Variants in FBN1 observed in about 807,000 individuals in gnomAD.
FBN1 encodes the protein fibrillin-1.
In FBN1, 29 loss-of-function variants were observed where a neutral mutation model predicts 365.1. The ratio of observed to expected loss-of-function variants is 0.08; its 90% CI spans 0.06 to 0.11. The LOEUF (loss-of-function observed/expected upper bound fraction) is 0.11. Ranked by LOEUF, FBN1 falls within the 10% of genes least tolerant of loss-of-function variation. The pLI is 1.00. For synonymous variants in FBN1, 1,210 were observed against 1,270.5 expected (o/e 0.95, Z 1.01); for missense variants, 2,476 against 3,703.2 (o/e 0.67, Z 8.60).
chr15:48,523,706 T>TTTTGG (rs1199156704), intron 9 of FBN1, among the ~76,000 whole-genome samples: 7 of 60,742 alleles, frequency 1.2e-4, no homozygotes, highest in African/African-American at 7.8e-4. Context: ...ACACCAAGGG[T>TTTTGG]GGCTGGGGGG....
intron 9 of FBN1, among the ~76,000 whole-genome samples, chr15:48,523,714 G>A (rs956541101): frequency 2.6e-5 from 3 of 116,578 alleles, no homozygotes; most frequent in Admixed American, 8.4e-5. Flanking sequence ...GGTGGCTGGG[G>A]GGGGGGGGGA....
intron 6 of FBN1, among the ~76,000 whole-genome samples, chr15:48,592,986 G>C (rs958035932): frequency 1.3e-5 from 2 of 152,192 alleles, no homozygotes; most frequent in African/African-American, 4.8e-5. Flanking sequence ...CCTGCCCACT[G>C]GGGATGAGGC....
intron 12 of FBN1, among the ~76,000 whole-genome samples, chr15:48,515,098 A>G (rs1450206767): frequency 2.0e-5 from 3 of 152,160 alleles, no homozygotes; most frequent in African/African-American, 7.2e-5. Context: ...AAATGGAGGA[A>G]GGGGTCATGA....
At chr15:48,491,978 T>C (rs937849557) in intron 24 of FBN1, among the ~76,000 whole-genome samples, 2 of 152,094 alleles carry the variant, frequency 1.3e-5, no homozygotes, top group African/African-American at 4.8e-5. Context: ...GCACAGAATA[T>C]CCCACTATGA....
At chr15:48,581,691 C>G (rs1479188421) in intron 6 of FBN1, among the ~76,000 whole-genome samples, 3 of 152,038 alleles carry the variant, frequency 2.0e-5, no homozygotes, top group African/African-American at 7.2e-5. Flanking sequence ...AAAGTGTCAG[C>G]AGTCTGACTG....
At chr15:48,603,384 A>C (rs2044581823) in intron 4 of FBN1, among the ~76,000 whole-genome samples, 1 of 152,096 alleles carries the variant, frequency 6.6e-6, no homozygotes, top group East Asian at 1.9e-4. Context: ...ATTCGTTGTG[A>C]GTCTTAGATC....
At chr15:48,609,289 G>A (rs1347660164) in intron 4 of FBN1, among the ~76,000 whole-genome samples, 2 of 152,236 alleles carry the variant, frequency 1.3e-5, no homozygotes, top group African/African-American at 4.8e-5. Flanking sequence ...AGTGCAATAA[G>A]CAAGAGTCCC....
At position 48,508,716 on chromosome 15, in the gene FBN1, A is replaced by G. The variant is rs1057521270; in HGVS notation, c.1715-12T>C. The G allele has an allele frequency of 1.2e-6, 2 of 1,613,230 alleles. No individual in the cohort carries two copies. The highest frequency in any genetic ancestry group is 1.7e-5 in the Admixed American group (1 of 59,968). On this transcript the variant is annotated splice_polypyrimidine_tract_variant and intron_variant, in intron 14 of 65. Transcript: ENST00000316623. ...GCATTCATCCATATCTGAAAATACA[A>G]AACATACATTTTCTTATGACCAGAA... is the stretch of plus-strand genomic sequence containing the variant.
At chr15:48,523,062 T>C (rs2043873787) in intron 9 of FBN1, among the ~76,000 whole-genome samples, 1 of 152,236 alleles carries the variant, frequency 6.6e-6, no homozygotes, top group African/African-American at 2.4e-5. Flanking sequence ...TAATTTGTAA[T>C]GCCTTAAAAC....
chr15:48,516,324 G>A lies in FBN1; in HGVS notation c.1186C>T (p.Pro396Ser), dbSNP rs756133487. The change falls in exon 11 of 66, where the codon CCT becomes TCT. Residue 396 changes from proline to serine, a missense_variant. Pro to Ser is a moderately conservative substitution (Grantham distance 74, BLOSUM62 -1). Coordinates refer to ENST00000316623, the MANE Select transcript of FBN1 (RefSeq NM_000138.5). ...NKLCSVPMVI[P>S]GRPEYPPPPL... ...GGGGGAGGATATTCTGGTCTCCCAG[G>A]AATTACCATAGGAACAGAGCACAGC... 2 of 1,613,782 alleles carry A rather than the reference G, an allele frequency of 1.2e-6. No homozygotes were observed. Among genetic ancestry groups the A allele is most frequent in the East Asian group, 2.2e-5 (1 of 44,872 alleles).
chr15:48,562,598 A>G (rs2044231271), intron 6 of FBN1, among the ~76,000 whole-genome samples: 1 of 152,154 alleles, frequency 6.6e-6, no homozygotes, highest in African/African-American at 2.4e-5. Context: ...AAACCAAAGT[A>G]TTTTCATTTT....
intron 49 of FBN1, among the ~76,000 whole-genome samples, chr15:48,442,559 A>G (rs1276521030): frequency 2.6e-5 from 4 of 152,196 alleles, no homozygotes; most frequent in Non-Finnish European, 5.9e-5. Context: ...TATATTATAC[A>G]TCTTAGCTCC....
intron 2 of FBN1, among the ~76,000 whole-genome samples, chr15:48,629,098 G>C (rs558094672): frequency 6.6e-6 from 1 of 152,184 alleles, no homozygotes; most frequent in East Asian, 1.9e-4. Flanking sequence ...CAAACTAGAC[G>C]TTACTAGTCT....
intron 44 of FBN1, 139 bp downstream of exon 44, chr15:48,456,498 G>T: frequency 4.6e-6 from 4 of 865,162 alleles, no homozygotes; most frequent in East Asian, 5.4e-5. Flanking sequence ...ATTTCATGTT[G>T]TTCCACACCA....
chr15:48,584,089 C>A (rs2044417532), intron 6 of FBN1, among the ~76,000 whole-genome samples: 1 of 152,214 alleles, frequency 6.6e-6, no homozygotes, highest in Non-Finnish European at 1.5e-5. Flanking sequence ...ACTTGTCAAC[C>A]AAGATTACCC....
intron 22 of FBN1, among the ~76,000 whole-genome samples, chr15:48,494,783 C>T (rs372354267): frequency 2.2e-4 from 33 of 152,186 alleles, no homozygotes; most frequent in East Asian, 5.8e-4. Context: ...TCATGAATAC[C>T]GGTTTCTTTA....
At chr15:48,535,883 T>C (rs2044008663) in intron 7 of FBN1, among the ~76,000 whole-genome samples, 1 of 152,246 alleles carries the variant, frequency 6.6e-6, no homozygotes, top group Admixed American at 6.5e-5. Context: ...TTAAAATGTT[T>C]TTGAAAATCA....
At chr15:48,493,527 T>C (rs1239075934) in intron 23 of FBN1, among the ~76,000 whole-genome samples, 1 of 152,198 alleles carries the variant, frequency 6.6e-6, no homozygotes, top group Non-Finnish European at 1.5e-5. Flanking sequence ...TGAGGTCAGA[T>C]AAGTTATTAA....
intron 6 of FBN1, among the ~76,000 whole-genome samples, chr15:48,546,765 C>T (rs1291318427): frequency 6.6e-6 from 1 of 151,952 alleles, no homozygotes; most frequent in Non-Finnish European, 1.5e-5. Flanking sequence ...TGAAAGTTGG[C>T]GAGAGTGGTG....
Sources: allele counts gnomAD v4.1 joint callset (sites outside exome capture counted in the v4.1 genomes callset), GRCh38; gene constraint gnomAD v4.1.1; transcripts MANE v1.5; gene names NCBI Gene and HGNC (gene_info 2026-07-23, HGNC 2026-07-21).